Variants in ALDH1A2 observed in about 807,000 individuals in gnomAD.
The protein encoded by ALDH1A2 is retinal dehydrogenase 2.
ALDH1A2 carries 27 observed loss-of-function variants against 60.3 expected under a neutral mutation model. The observed-to-expected ratio is 0.45, with a 90% confidence interval of 0.33 to 0.62. ALDH1A2 has a LOEUF of 0.62. Ranked by LOEUF, ALDH1A2 falls within the 20% of genes least tolerant of loss-of-function variation. The probability of loss-of-function intolerance (pLI) is 0.02; values close to 1 mark genes in which losing one functional copy is unlikely to be tolerated. For synonymous variants in ALDH1A2, 289 were observed against 232.4 expected (o/e 1.24, Z -2.21); for missense variants, 581 against 643.8 (o/e 0.90, Z 1.06).
chr15:58,047,737 T>C (rs1896670398), intron 1 of ALDH1A2, among the ~76,000 whole-genome samples: 1 of 152,068 alleles, frequency 6.6e-6, no homozygotes, highest in African/African-American at 2.4e-5. Context: ...AACTTCTTCC[T>C]GAAATGGTTA....
chr15:57,994,964 G>A lies in ALDH1A2; in HGVS notation c.555+114C>T, dbSNP rs576769250. ...AAGATATGTCAACAACATGAGCTCA[G>A]TTTTTTTTCCTCCAGTAATGGAAAA... On this transcript the variant is annotated intron_variant, in intron 5 of 12. Coordinates refer to ENST00000249750, the MANE Select transcript of ALDH1A2 (RefSeq NM_003888.4). 61 of 1,036,436 alleles carry A rather than the reference G, an allele frequency of 5.9e-5. No individual in the cohort carries two copies. The East Asian group carries it at 1.1e-3, about 19-fold the overall frequency. The allele number at this position is 1,036,436 out of a possible 1,614,324, so 64.2% of individuals were successfully genotyped here. A position where few individuals can be genotyped will look rare whatever the true frequency, so the allele number is the denominator to read the frequency against.
At chr15:58,051,661 A>G (rs1323331999) in intron 1 of ALDH1A2, among the ~76,000 whole-genome samples, 1 of 152,146 alleles carries the variant, frequency 6.6e-6, no homozygotes, top group African/African-American at 2.4e-5. Flanking sequence ...GTGGCCCCAT[A>G]TGGCCTGATC....
chr15:57,996,852 T>C (rs2140496534), intron 4 of ALDH1A2, among the ~76,000 whole-genome samples: 2 of 152,228 alleles, frequency 1.3e-5, no homozygotes, highest in African/African-American at 4.8e-5. Flanking sequence ...ATCTGATAGC[T>C]GGAAAACTGC....
intron 7 of ALDH1A2, among the ~76,000 whole-genome samples, chr15:57,969,601 A>G (rs1334767778): frequency 6.6e-6 from 1 of 152,204 alleles, no homozygotes; most frequent in Non-Finnish European, 1.5e-5. Context: ...CACGTTTTCC[A>G]AGTGGTTAAA....
At chr15:57,967,047 G>T (rs1051642440) in intron 7 of ALDH1A2, among the ~76,000 whole-genome samples, 3 of 152,188 alleles carry the variant, frequency 2.0e-5, no homozygotes, top group African/African-American at 7.2e-5. Flanking sequence ...CGGGGGAAGA[G>T]AAACGCTACA....
chr15:58,042,300 A>G (rs1276199067), intron 1 of ALDH1A2, among the ~76,000 whole-genome samples: 1 of 151,946 alleles, frequency 6.6e-6, no homozygotes, highest in African/African-American at 2.4e-5. Flanking sequence ...GTCCTCTGAC[A>G]TATACCTACC....
chr15:57,975,442 G>A (rs1311807082), intron 7 of ALDH1A2, among the ~76,000 whole-genome samples: 2 of 152,104 alleles, frequency 1.3e-5, no homozygotes, highest in Non-Finnish European at 2.9e-5. Flanking sequence ...TTGGATTTGG[G>A]ATATTTTTTC....
At chr15:58,025,624 C>G (rs1046136070) in intron 1 of ALDH1A2, among the ~76,000 whole-genome samples, 5 of 152,126 alleles carry the variant, frequency 3.3e-5, no homozygotes, top group African/African-American at 1.2e-4. Flanking sequence ...TCAAAAAAAT[C>G]AAACAGGAGG....
At chr15:58,055,761 G>A (rs1481706970) in intron 1 of ALDH1A2, among the ~76,000 whole-genome samples, 1 of 151,988 alleles carries the variant, frequency 6.6e-6, no homozygotes, top group Non-Finnish European at 1.5e-5. Flanking sequence ...CCAGCTTTGG[G>A]TTTAGAACTT....
chr15:58,014,344 A>T (rs1159893428), intron 1 of ALDH1A2, 63 bp from the exon 2 acceptor site: 2 of 1,243,350 alleles, frequency 1.6e-6, no homozygotes, highest in African/African-American at 3.0e-5. Flanking sequence ...GTCAACGGCC[A>T]AGTGTTACGG....
chr15:58,065,651 G>A lies in ALDH1A2; in HGVS notation c.-1C>T, dbSNP rs749667287. ...GCATCTCTATCTTGCTGGAAGTCAT[G>A]GTGGCGGGCCGGGTGTCCCTAGCCC... On this transcript the variant is annotated 5_prime_UTR_variant, in exon 1 of 13. Transcript: ENST00000249750. The A allele has an allele frequency of 1.9e-6, 3 of 1,588,488 alleles. No individual in the cohort carries two copies. The highest frequency in any genetic ancestry group is 1.1e-5 in the South Asian group (1 of 87,542).
intron 1 of ALDH1A2, among the ~76,000 whole-genome samples, chr15:58,043,738 GT>G (rs1381804263): frequency 6.6e-6 from 1 of 151,778 alleles, no homozygotes; most frequent in Non-Finnish European, 1.5e-5. Flanking sequence ...CCAAAAAACG[GT>G]TTTTGTTTCC....
At chr15:57,980,879 C>T (rs1165857206) in intron 7 of ALDH1A2, among the ~76,000 whole-genome samples, 4 of 152,092 alleles carry the variant, frequency 2.6e-5, no homozygotes, top group Non-Finnish European at 5.9e-5. Flanking sequence ...TTCTTTGTAC[C>T]TCTGATAGAA....
At chr15:57,982,771 G>C (rs1894559133) in intron 7 of ALDH1A2, among the ~76,000 whole-genome samples, 1 of 152,082 alleles carries the variant, frequency 6.6e-6, no homozygotes. Flanking sequence ...ATGATTCATG[G>C]GAAATCACTG....
intron 1 of ALDH1A2, among the ~76,000 whole-genome samples, chr15:58,047,424 G>T (rs1204944679): frequency 4.6e-5 from 7 of 151,894 alleles, no homozygotes; most frequent in Non-Finnish European, 8.8e-5. Flanking sequence ...ATATAAGGAA[G>T]TAGTTTGAGG....
chr15:57,980,298 T>A, intron 7 of ALDH1A2: 1 of 415,736 alleles, frequency 2.4e-6, no homozygotes, highest in Admixed American at 2.4e-5. Flanking sequence ...ATGTGCCTCA[T>A]GTTCCCACTC....
rs754445947 is a variant in ALDH1A2, at chr15:58,065,557, T to C, written c.94A>G (p.Asn32Asp). 21 of 1,613,372 alleles carry C rather than the reference T, an allele frequency of 1.3e-5. No individual in the cohort carries two copies. Among genetic ancestry groups the C allele is most frequent in the Non-Finnish European group, 1.8e-5 (21 of 1,179,650 alleles). ...SLHLLPSPTPNLEIKYTKIFI... is the reference protein window; with the variant it reads ...SLHLLPSPTPDLEIKYTKIFI... ...ACCTTGGTGTACTTAATTTCGAGAT[T>C]GGGCGTGGGCGACGGCAGGAGGTGC... The change falls in exon 1 of 13, where the codon AAT (asparagine) becomes GAT (aspartate). Residue 32 changes from asparagine to aspartate, a missense_variant. Coordinates refer to ENST00000249750, the MANE Select transcript of ALDH1A2 (RefSeq NM_003888.4).
intron 5 of ALDH1A2, 73 bp downstream of exon 5, chr15:57,995,003 GGA>G: frequency 7.3e-7 from 1 of 1,365,526 alleles, no homozygotes; most frequent in Non-Finnish European, 1.0e-6. Flanking sequence ...ACATCGCTGA[GGA>G]CCATGTTTTA....
chr15:58,051,054 G>T (rs1460760006), intron 1 of ALDH1A2, among the ~76,000 whole-genome samples: 3 of 152,222 alleles, frequency 2.0e-5, no homozygotes, highest in Non-Finnish European at 4.4e-5. Flanking sequence ...TTACATATCT[G>T]TTGATATAAG....
Sources: gnomAD v4.1 joint callset for allele counts (sites outside exome capture counted in the v4.1 genomes callset) on GRCh38, gnomAD v4.1.1 for gene constraint, MANE v1.5 for transcripts, NCBI Gene and HGNC (gene_info 2026-07-23, HGNC 2026-07-21) for gene names.